The following HIPK2 variants were observed in gnomAD, a reference collection of about 807,000 sequenced individuals.
HIPK2 encodes the protein homeodomain-interacting protein kinase 2.
HIPK2 carries 27 observed loss-of-function variants against 113.7 expected under a neutral mutation model. The observed-to-expected ratio is 0.24, with a 90% CI of 0.17 to 0.33. The LOEUF (loss-of-function observed/expected upper bound fraction) is 0.33. HIPK2 is among the 10% of genes least tolerant of loss of function. The probability of loss-of-function intolerance (pLI) is 1.00; values close to 1 mark genes in which losing one functional copy is unlikely to be tolerated. For synonymous variants in HIPK2, 631 were observed against 642.2 expected (o/e 0.98, Z 0.26); for missense variants, 1,257 against 1,588.0 (o/e 0.79, Z 3.54).
At chr7:139,647,040 C>A (rs1801257497) in intron 2 of HIPK2, among the ~76,000 whole-genome samples, 2 of 152,176 alleles carry the variant, frequency 1.3e-5, no homozygotes, top group Admixed American at 1.3e-4. Flanking sequence ...GACTGAGGCT[C>A]CCTCCTGTGC....
At chr7:139,698,130 G>A (rs1348769203) in intron 2 of HIPK2, among the ~76,000 whole-genome samples, 2 of 152,128 alleles carry the variant, frequency 1.3e-5, no homozygotes, top group African/African-American at 2.4e-5. Context: ...CTCCCAAAGC[G>A]CTGGAGTTAC....
At position 139,563,875 on chromosome 7, in the gene HIPK2, G is replaced by A. The variant is rs879689758; in HGVS notation, c.*9052C>T. 4.5e-5 allele frequency: 18 copies of A among 398,496 alleles called. No homozygotes were observed. The highest frequency in any genetic ancestry group is 6.6e-5 in the Non-Finnish European group (15 of 226,078). 24.7% of individuals were successfully genotyped at this position (398,496 alleles called of 1,614,324 possible). On this transcript the variant is annotated 3_prime_UTR_variant, in exon 15 of 15. Transcript: ENST00000406875. The stretch of plus-strand genomic sequence containing the variant: ...AGGAATGCCCTTTAGGTCACAGCAG[G>A]TCCTCTGCAGTTTGGTGGTGGCACA...
intron 2 of HIPK2, among the ~76,000 whole-genome samples, chr7:139,673,727 G>T (rs946029207): frequency 2.0e-5 from 3 of 151,892 alleles, no homozygotes; most frequent in African/African-American, 7.3e-5. Flanking sequence ...ACAGAGCAAA[G>T]CCCATTCCTA....
At chr7:139,691,861 C>G (rs1195542733) in intron 2 of HIPK2, among the ~76,000 whole-genome samples, 1 of 152,100 alleles carries the variant, frequency 6.6e-6, no homozygotes, top group Admixed American at 6.6e-5. Context: ...TGTATTAATA[C>G]CTCAAAAATA....
intron 12 of HIPK2, among the ~76,000 whole-genome samples, chr7:139,585,439 C>T (rs1798802605): frequency 6.6e-6 from 1 of 152,250 alleles, no homozygotes; most frequent in Non-Finnish European, 1.5e-5. Context: ...CTCCTGACAT[C>T]TAGGCTGGAT....
At chr7:139,760,351 C>G (rs59926217) in intron 1 of HIPK2, among the ~76,000 whole-genome samples, 210 of 152,194 alleles carry the variant, frequency 1.4e-3, no homozygotes, top group African/African-American at 4.8e-3. Flanking sequence ...CATTACCCAT[C>G]TTAAAAAAGC....
chr7:139,716,018 T>A lies in HIPK2; in HGVS notation c.1017A>T (p.Pro339=), dbSNP rs1227679884. The A allele has an allele frequency of 1.7e-5, 28 of 1,614,018 alleles. No individual in the cohort carries two copies. Among genetic ancestry groups the A allele is most frequent in the Non-Finnish European group, 2.4e-5 (28 of 1,180,006 alleles). Residue 339 remains proline (P), a synonymous_variant, in exon 2 of 15, where the codon CCA becomes CCT. Coordinates refer to ENST00000406875, the MANE Select transcript of HIPK2 (RefSeq NM_022740.5). The surrounding 1 kb of genome is among the most constrained non-coding windows in gnomAD (Gnocchi z 9.3). The part of the protein sequence containing the change: ...NIMLVDPSRQ[P]YRVKVIDFGS... The stretch of plus-strand genomic sequence containing the variant: ...CAAAGTCGATGACCTTGACTCTGTA[T>A]GGTTGTCTAGATGGATCCACCAGCA...
At chr7:139,650,349 C>CAAA (rs35368461) in intron 2 of HIPK2, among the ~76,000 whole-genome samples, 4 of 100,210 alleles carry the variant, frequency 4.0e-5, no homozygotes, top group Admixed American at 1.1e-4. Context: ...GACTCCATCT[C>CAAA]AAAAAAAAAA....
At position 139,600,380 on chromosome 7, in the gene HIPK2, G is replaced by A. The variant is rs991712171; in HGVS notation, c.2435+37C>T. ...CATTTCTTTAGCACTCACATCCCCT[G>A]GGATTTCTCTTCCCTAGGGTGGCTC... On this transcript the variant is annotated intron_variant, in intron 11 of 14. Coordinates refer to ENST00000406875, the MANE Select transcript of HIPK2 (RefSeq NM_022740.5). 2.5e-6 allele frequency: 4 copies of A among 1,597,900 alleles called. No homozygotes were observed. The African/African-American group carries it at 4.0e-5, about 16-fold the overall frequency.
intron 2 of HIPK2, among the ~76,000 whole-genome samples, chr7:139,638,656 C>CTTTTTTTTT (rs1184555180): frequency 4.6e-5 from 6 of 130,262 alleles, no homozygotes; most frequent in African/African-American, 1.8e-4. Flanking sequence ...AAATAATTGT[C>CTTTTTTTTT]TTTTTTTTTT....
chr7:139,695,354 G>A (rs1794531147), intron 2 of HIPK2, among the ~76,000 whole-genome samples: 1 of 152,128 alleles, frequency 6.6e-6, no homozygotes, highest in African/African-American at 2.4e-5. Flanking sequence ...ACTACTGTGT[G>A]GCCCGGGGCT....
chr7:139,763,172 G>C (rs1585463960), intron 1 of HIPK2, among the ~76,000 whole-genome samples: 2 of 152,352 alleles, frequency 1.3e-5, no homozygotes, highest in Middle Eastern at 6.8e-3. Context: ...AGGGAGATCA[G>C]AGAAGCAAGC....
chr7:139,636,294 C>T (rs115338771), intron 2 of HIPK2, among the ~76,000 whole-genome samples: 1,551 of 151,964 alleles, frequency 0.01, 17 homozygotes, highest in African/African-American at 0.035. Context: ...CTCTTCTATC[C>T]AACTGCTGTG....
At chr7:139,612,705 A>G (rs1799878243) in intron 9 of HIPK2, among the ~76,000 whole-genome samples, 1 of 152,196 alleles carries the variant, frequency 6.6e-6, no homozygotes, top group Non-Finnish European at 1.5e-5. Context: ...CATCTCTGCC[A>G]TCTCATTCTA....
chr7:139,705,826 TAAAAAA>T (rs1010543995), intron 2 of HIPK2, among the ~76,000 whole-genome samples: 14 of 105,348 alleles, frequency 1.3e-4, no homozygotes, highest in Admixed American at 2.0e-4. Flanking sequence ...AAAAGATTAG[TAAAAAA>T]AAAAAAAAAA....
At chr7:139,690,529 A>C (rs2116777354) in intron 2 of HIPK2, among the ~76,000 whole-genome samples, 1 of 152,120 alleles carries the variant, frequency 6.6e-6, no homozygotes, top group South Asian at 2.1e-4. Flanking sequence ...TTCCCACGAG[A>C]GCTAGTTGTA....
chr7:139,608,850 G>C (rs1449041949), intron 9 of HIPK2, among the ~76,000 whole-genome samples: 1 of 152,154 alleles, frequency 6.6e-6, no homozygotes, highest in Non-Finnish European at 1.5e-5. Flanking sequence ...TTAAAATTTT[G>C]TATTTCGAAC....
intron 2 of HIPK2, among the ~76,000 whole-genome samples, chr7:139,644,020 C>T (rs1801122580): frequency 6.6e-6 from 1 of 152,176 alleles, no homozygotes; most frequent in Non-Finnish European, 1.5e-5. Flanking sequence ...ACGCTTTATG[C>T]TTGGTGACTT....
intron 1 of HIPK2, among the ~76,000 whole-genome samples, chr7:139,717,729 GTT>G (rs57555288): frequency 0.014 from 2,056 of 150,588 alleles, 48 homozygotes; most frequent in African/African-American, 0.047. Flanking sequence ...ATTTCTTTTT[GTT>G]TTTTTTTGTT....
Sources: allele counts gnomAD v4.1 joint callset (sites outside exome capture counted in the v4.1 genomes callset), GRCh38; gene constraint gnomAD v4.1.1; non-coding constraint Gnocchi (gnomAD v3.1); transcripts MANE v1.5; gene names NCBI Gene and HGNC (gene_info 2026-07-23, HGNC 2026-07-21).